Variants in RTF2 observed in about 807,000 individuals in gnomAD.
RTF2 encodes replication termination factor 2.
RTF2 carries 18 observed loss-of-function variants against 38.0 expected under a neutral mutation model. That is an observed-to-expected ratio of 0.47 (90% CI 0.33 to 0.70). The LOEUF (loss-of-function observed/expected upper bound fraction) is 0.70, where lower values mean the gene tolerates loss of function less well. Ranked by LOEUF, RTF2 falls within the 30% of genes least tolerant of loss-of-function variation. The probability of loss-of-function intolerance (pLI) is 0.02; values close to 1 mark genes in which losing one functional copy is unlikely to be tolerated. For synonymous variants in RTF2, 126 were observed against 137.1 expected (o/e 0.92, Z 0.57); for missense variants, 311 against 379.6 (o/e 0.82, Z 1.50).
chr20:56,486,731 A>G (rs960661141), intron 5 of RTF2, among the ~76,000 whole-genome samples: 1 of 152,226 alleles, frequency 6.6e-6, no homozygotes, highest in Admixed American at 6.5e-5. Flanking sequence ...TAAAAATATT[A>G]AGATATTGAC....
intron 4 of RTF2, among the ~76,000 whole-genome samples, chr20:56,480,022 C>T (rs922335734): frequency 6.6e-6 from 1 of 152,138 alleles, no homozygotes; most frequent in East Asian, 1.9e-4. Flanking sequence ...TCACCAGGCA[C>T]GTTAGACCTT....
At chr20:56,469,709 C>A (rs1981858504) in intron 1 of RTF2, among the ~76,000 whole-genome samples, 1 of 152,140 alleles carries the variant, frequency 6.6e-6, no homozygotes, top group African/African-American at 2.4e-5. Context: ...TGAAGCATTC[C>A]AGTGGCTTCC....
intron 5 of RTF2, chr20:56,497,291 C>G (rs1051406351): frequency 1.9e-6 from 3 of 1,550,836 alleles, no homozygotes; most frequent in African/African-American, 1.4e-5. Flanking sequence ...AGAAATCGCC[C>G]TCTTCTGCAG....
At chr20:56,507,823 G>T (rs138683751) in intron 5 of RTF2, among the ~76,000 whole-genome samples, 6 of 152,170 alleles carry the variant, frequency 3.9e-5, no homozygotes. Flanking sequence ...CTACCACCTG[G>T]TTCTGTTCCT....
intron 4 of RTF2, among the ~76,000 whole-genome samples, chr20:56,482,066 C>T (rs954723179): frequency 6.6e-6 from 1 of 152,152 alleles, no homozygotes; most frequent in Non-Finnish European, 1.5e-5. Flanking sequence ...AGTCTCTTCT[C>T]CTTTTTCTCT....
In RTF2 at chr20:56,518,078, T is replaced by C; in HGVS notation, c.743-9T>C. Reference sequence around the variant, plus strand: ...CAACCCTGACAGTTTTGGCTCTTCATTTTTCTAGCAATGAATGAGAGCTCT... The same window carrying C: ...CAACCCTGACAGTTTTGGCTCTTCACTTTTCTAGCAATGAATGAGAGCTCT... On this transcript the variant is annotated splice_polypyrimidine_tract_variant and intron_variant, in intron 8 of 8. Coordinates refer to ENST00000357348, the MANE Select transcript of RTF2 (RefSeq NM_016407.5). 1 of 1,601,632 alleles carries C rather than the reference T, an allele frequency of 6.2e-7. No homozygotes were observed. The highest frequency in any genetic ancestry group is 1.7e-4 in the Middle Eastern group (1 of 5,982).
rs763363709 is a variant in RTF2, at chr20:56,517,135, G to C, written c.676G>C (p.Gly226Arg). Reference sequence around the variant, plus strand: ...CCCAGGGCCATCAAAAGTTAAGACAGGGAAGCCTGAAGAAGCCAGCCTTGA... The same window carrying C: ...CCCAGGGCCATCAAAAGTTAAGACACGGAAGCCTGAAGAAGCCAGCCTTGA... Reference protein sequence around the residue: ...EAPGPSKVKTGKPEEASLDSR... With the variant: ...EAPGPSKVKTRKPEEASLDSR... The change falls in exon 8 of 9, where the codon GGG becomes CGG. Residue 226 changes from glycine to arginine, a missense_variant. Gly to Arg is a moderately radical substitution (Grantham distance 125). Transcript: ENST00000357348. 17 of 1,614,062 alleles carry C rather than the reference G, an allele frequency of 1.1e-5. No homozygotes were observed. Among genetic ancestry groups the C allele is most frequent in the African/African-American group, 1.3e-5 (1 of 74,926 alleles).
chr20:56,475,686 A>G (rs1203619182), intron 3 of RTF2, among the ~76,000 whole-genome samples: 1 of 152,180 alleles, frequency 6.6e-6, no homozygotes, highest in Non-Finnish European at 1.5e-5. Flanking sequence ...TTCCATGTGC[A>G]CATGTAAGAT....
intron 1 of RTF2, chr20:56,472,476 G>T: frequency 1.1e-6 from 1 of 905,686 alleles, no homozygotes; most frequent in Admixed American, 2.0e-5. Context: ...TCATACTGGG[G>T]ATAAAGTTTG....
At chr20:56,511,099 C>T (rs1468560996) in intron 5 of RTF2, among the ~76,000 whole-genome samples, 1 of 151,878 alleles carries the variant, frequency 6.6e-6, no homozygotes, top group Non-Finnish European at 1.5e-5. Context: ...GTAATTTTTA[C>T]ATGGTAAAAC....
intron 5 of RTF2, among the ~76,000 whole-genome samples, chr20:56,492,774 G>A (rs964242362): frequency 1.5e-4 from 23 of 152,032 alleles, no homozygotes; most frequent in African/African-American, 2.7e-4. Flanking sequence ...AGGCCTCAGC[G>A]TATGTGTGAG....
intron 5 of RTF2, among the ~76,000 whole-genome samples, chr20:56,485,440 T>C (rs1195567638): frequency 3.3e-5 from 5 of 152,172 alleles, no homozygotes; most frequent in Non-Finnish European, 7.3e-5. Flanking sequence ...CTGGGGCTTA[T>C]GGATGTTATT....
intron 5 of RTF2, among the ~76,000 whole-genome samples, chr20:56,509,780 C>T (rs568135065): frequency 2.7e-4 from 41 of 152,180 alleles, no homozygotes; most frequent in African/African-American, 9.9e-4. Flanking sequence ...AACTTATGGC[C>T]AGTCATCCCA....
At chr20:56,517,043 T>C in intron 7 of RTF2, 54 bp downstream of exon 7, 4 of 1,608,210 alleles carry the variant, frequency 2.5e-6, no homozygotes, top group Non-Finnish European at 3.4e-6. Context: ...TAGGGCAGTC[T>C]GCTAATATGT....
At chr20:56,493,168 C>T (rs1983281991) in intron 5 of RTF2, among the ~76,000 whole-genome samples, 1 of 152,008 alleles carries the variant, frequency 6.6e-6, no homozygotes. Context: ...AAGCAAGACT[C>T]CATCTCCAAA....
At chr20:56,470,123 G>A (rs1189141704) in intron 1 of RTF2, among the ~76,000 whole-genome samples, 1 of 152,176 alleles carries the variant, frequency 6.6e-6, no homozygotes, top group Non-Finnish European at 1.5e-5. Context: ...TGTGAATATG[G>A]GAATGAATGA....
At chr20:56,514,972 G>A (rs909834557) in intron 6 of RTF2, among the ~76,000 whole-genome samples, 35 of 151,754 alleles carry the variant, frequency 2.3e-4, no homozygotes, top group African/African-American at 7.8e-4. Context: ...ACTTGAACCC[G>A]GAAGGCGGAG....
intron 6 of RTF2, among the ~76,000 whole-genome samples, chr20:56,515,018 G>C (rs1211924588): frequency 6.7e-6 from 1 of 150,062 alleles, no homozygotes; most frequent in Non-Finnish European, 1.5e-5. Context: ...CTGCACTCCA[G>C]CCTGACAGAC....
At chr20:56,476,533 CTTG>C (rs1048728087) in intron 3 of RTF2, among the ~76,000 whole-genome samples, 1 of 139,286 alleles carries the variant, frequency 7.2e-6, no homozygotes, top group African/African-American at 2.7e-5. Flanking sequence ...GAGTTTTGCT[CTTG>C]TTGTCCAGGC....
Sources: allele counts gnomAD v4.1 joint callset (sites outside exome capture counted in the v4.1 genomes callset), GRCh38; gene constraint gnomAD v4.1.1; transcripts MANE v1.5; gene names NCBI Gene and HGNC (gene_info 2026-07-23, HGNC 2026-07-21).